The following ANK3 variants were observed in gnomAD, a reference collection of about 807,000 sequenced individuals.
ANK3 encodes the protein ankyrin-3.
Under a neutral mutation model 370.9 loss-of-function variants are expected in ANK3, and 57 were observed. That is an observed-to-expected ratio of 0.15 (90% CI 0.12 to 0.19). The LOEUF is 0.19. ANK3 is among the 10% of genes least tolerant of loss of function. The pLI is 1.00. For synonymous variants in ANK3, 1,929 were observed against 1,946.3 expected (o/e 0.99, Z 0.23); for missense variants, 4,439 against 5,302.1 (o/e 0.84, Z 5.06).
In ANK3 at chr10:60,690,746, T is replaced by C. The variant is rs371472201; in HGVS notation, c.57+42517A>G. Among the ~76,000 whole-genome samples, 88 of 152,296 alleles carry C rather than the reference T, an allele frequency of 5.8e-4. 1 individual carries two copies. Among genetic ancestry groups the C allele is most frequent in the African/African-American group, 1.9e-3 (80 of 41,566 alleles). ...TACAACCTACCAACCATGTATGACC[T>C]ACCACCTCCTTTGAGTGATTTAACC... On this transcript the variant is annotated intron_variant, in intron 1 of 43. Coordinates refer to the ANK3 transcript ENST00000373827.
At chr10:60,406,120 A>C (rs1002321398) in intron 2 of ANK3, among the ~76,000 whole-genome samples, 4 of 152,242 alleles carry the variant, frequency 2.6e-5, no homozygotes, top group Non-Finnish European at 5.9e-5. Context: ...TTCTGTCATC[A>C]AACTTTCTGT....
At chr10:60,726,608 A>G (rs2079944406) in intron 1 of ANK3, among the ~76,000 whole-genome samples, 1 of 152,186 alleles carries the variant, frequency 6.6e-6, no homozygotes. Context: ...AGACTAAAAC[A>G]TAGCTCTTCC....
chr10:60,082,872 C>G, intron 33 of ANK3, 135 bp from the exon 34 acceptor site: 1 of 1,046,354 alleles, frequency 9.6e-7, no homozygotes, highest in Non-Finnish European at 1.4e-6. Context: ...ATGATGATTA[C>G]GATTATGCAG....
At chr10:60,368,401 T>C (rs1383065034) in intron 1 of ANK3, among the ~76,000 whole-genome samples, 1 of 152,188 alleles carries the variant, frequency 6.6e-6, no homozygotes, top group Non-Finnish European at 1.5e-5. Flanking sequence ...CAGAGGCTGA[T>C]AGATACCAAG....
intron 2 of ANK3, among the ~76,000 whole-genome samples, chr10:60,402,613 A>G (rs897794524): frequency 6.6e-6 from 1 of 152,216 alleles, no homozygotes; most frequent in Non-Finnish European, 1.5e-5. Flanking sequence ...AAAAAGAACA[A>G]AAGCAATTTT....
At chr10:60,579,326 T>TAAAAAAA (rs763281984) in intron 2 of ANK3, among the ~76,000 whole-genome samples, 10 of 69,032 alleles carry the variant, frequency 1.4e-4, no homozygotes, top group African/African-American at 6.0e-4. Context: ...TCTCTCTCAA[T>TAAAAAAA]AAAAAAAAAA....
chr10:60,686,604 C>A (rs973878305), intron 1 of ANK3, among the ~76,000 whole-genome samples: 1 of 152,098 alleles, frequency 6.6e-6, no homozygotes, highest in Non-Finnish European at 1.5e-5. Context: ...TAAATATTAA[C>A]TCATTTAATC....
chr10:60,609,423 G>T (rs897889646), intron 2 of ANK3, among the ~76,000 whole-genome samples: 1 of 152,100 alleles, frequency 6.6e-6, no homozygotes, highest in Non-Finnish European at 1.5e-5. Context: ...GATGAATATT[G>T]TAGAGTAAGA....
At chr10:60,043,088 T>C in intron 42 of ANK3, 1 of 1,055,694 alleles carries the variant, frequency 9.5e-7, no homozygotes, top group Non-Finnish European at 1.1e-6. Flanking sequence ...GGCAGCAGAA[T>C]TGTAAACAAT....
chr10:60,634,117 T>C (rs1487106601), intron 1 of ANK3, among the ~76,000 whole-genome samples: 2 of 152,206 alleles, frequency 1.3e-5, no homozygotes, highest in Non-Finnish European at 2.9e-5. Flanking sequence ...TAATTCTGTA[T>C]AATGGGATAT....
At chr10:60,137,714 T>C (rs1350410748) in intron 24 of ANK3, among the ~76,000 whole-genome samples, 1 of 152,136 alleles carries the variant, frequency 6.6e-6, no homozygotes, top group Non-Finnish European at 1.5e-5. Flanking sequence ...TGGTTTCCTA[T>C]GTCACTGGAG....
chr10:60,065,031 G>A (rs1324504217), intron 38 of ANK3, among the ~76,000 whole-genome samples: 1 of 152,096 alleles, frequency 6.6e-6, no homozygotes, highest in African/African-American at 2.4e-5. Flanking sequence ...TCTTCATGAA[G>A]GTATCTTTTA....
chr10:60,416,010 G>A (rs78222074), intron 2 of ANK3, among the ~76,000 whole-genome samples: 2,541 of 142,862 alleles, frequency 0.018, 83 homozygotes, highest in African/African-American at 0.062. Flanking sequence ...TAAGTCATGA[G>A]GGTGGAGTCC....
At chr10:60,503,884 G>A (rs1036583874) in intron 2 of ANK3, among the ~76,000 whole-genome samples, 3 of 152,230 alleles carry the variant, frequency 2.0e-5, no homozygotes, top group East Asian at 1.9e-4. Context: ...GTGACAGTGA[G>A]TCTTATATAT....
At chr10:60,510,561 A>G (rs1204129141) in intron 2 of ANK3, among the ~76,000 whole-genome samples, 1 of 152,108 alleles carries the variant, frequency 6.6e-6, no homozygotes. Context: ...TCACGCCTAT[A>G]ACAGCACTTT....
chr10:60,645,629 G>A (rs1204318902), intron 1 of ANK3, among the ~76,000 whole-genome samples: 2 of 152,096 alleles, frequency 1.3e-5, no homozygotes, highest in African/African-American at 4.8e-5. Flanking sequence ...GGAGGCTGAG[G>A]CAAGAGAATT....
chr10:60,366,289 T>A (rs530536285), intron 1 of ANK3, among the ~76,000 whole-genome samples: 2 of 152,264 alleles, frequency 1.3e-5, no homozygotes, highest in African/African-American at 4.8e-5. Context: ...GCTGAGATCA[T>A]GCCACTGTAC....
rs147897584 is a variant in ANK3, at chr10:60,072,004, G to A, written c.8877C>T (p.His2959=). The A allele has an allele frequency of 5.6e-6, 9 of 1,614,010 alleles. No homozygotes were observed. Among genetic ancestry groups the A allele is most frequent in the African/African-American group, 4.0e-5 (3 of 74,930 alleles). Residue 2959 remains histidine (H), a synonymous_variant, in exon 37 of 44, where the codon CAC becomes CAT. Transcript: ENST00000280772. The part of the protein sequence containing the change: ...SRRSESSAVS[H]IPVRVADERR... ...TCTCATCAGCAACTCTGACGGGAAT[G>A]TGTGACACTGCTGAGCTCTCGCTCC...
At chr10:60,540,961 G>A (rs1385046461) in intron 2 of ANK3, among the ~76,000 whole-genome samples, 1 of 151,800 alleles carries the variant, frequency 6.6e-6, no homozygotes, top group Non-Finnish European at 1.5e-5. Flanking sequence ...TATCATCTAA[G>A]TGAAAAATTG....
Sources: allele counts gnomAD v4.1 joint callset (sites outside exome capture counted in the v4.1 genomes callset), GRCh38; gene constraint gnomAD v4.1.1; transcripts MANE v1.5; gene names NCBI Gene and HGNC (gene_info 2026-07-23, HGNC 2026-07-21).